Variants in ADGRL3 observed in about 807,000 individuals in gnomAD.
The protein encoded by ADGRL3 is adhesion G protein-coupled receptor L3.
In ADGRL3, 62 loss-of-function variants were observed where a neutral mutation model predicts 153.5. The ratio of observed to expected loss-of-function variants is 0.40; its 90% CI spans 0.33 to 0.50. The LOEUF (loss-of-function observed/expected upper bound fraction) is 0.50, where lower values mean the gene tolerates loss of function less well. Among genes scored for constraint, ADGRL3 ranks in the 20% least tolerant of loss-of-function variants. The pLI is 0.47. For missense variants in ADGRL3, 1,641 were observed against 1,859.4 expected, an observed-to-expected ratio of 0.88 and a Z score of 2.16; for synonymous variants, 710 against 672.5, an observed-to-expected ratio of 1.06 and a Z score of -0.86.
intron 4 of ADGRL3, among the ~76,000 whole-genome samples, chr4:61,582,854 C>T (rs1579668715): frequency 6.6e-6 from 1 of 151,958 alleles, no homozygotes; most frequent in African/African-American, 2.4e-5. Flanking sequence ...TTCTTCAAGT[C>T]GTCAGTGACC....
At chr4:61,923,271 C>T (rs2098778589) in intron 13 of ADGRL3, among the ~76,000 whole-genome samples, 1 of 152,170 alleles carries the variant, frequency 6.6e-6, no homozygotes, top group South Asian at 2.1e-4. Context: ...ATTCTTATAA[C>T]TTCAGCTATT....
chr4:61,498,560 T>A (rs2098347132), intron 3 of ADGRL3, among the ~76,000 whole-genome samples: 1 of 151,772 alleles, frequency 6.6e-6, no homozygotes, highest in South Asian at 2.1e-4. Flanking sequence ...AAAAAAAAAA[T>A]GAAAACATAC....
At chr4:61,994,022 T>G (rs1458678671) in intron 19 of ADGRL3, among the ~76,000 whole-genome samples, 7 of 152,202 alleles carry the variant, frequency 4.6e-5, no homozygotes, top group Non-Finnish European at 8.8e-5. Flanking sequence ...ATAAAGAAAT[T>G]ATCTTGTCTA....
intron 8 of ADGRL3, 61 bp from the exon 9 acceptor site, chr4:61,813,748 A>G: frequency 6.3e-7 from 1 of 1,590,680 alleles, no homozygotes; most frequent in Non-Finnish European, 8.6e-7. Context: ...CATAAAAACA[A>G]TTTAAAAAGG....
At chr4:61,389,711 G>A (rs1244666511) in intron 2 of ADGRL3, among the ~76,000 whole-genome samples, 1 of 152,154 alleles carries the variant, frequency 6.6e-6, no homozygotes, top group Non-Finnish European at 1.5e-5. Flanking sequence ...CAGGGTAAAA[G>A]CACATTAATT....
At position 62,071,040 on chromosome 4, in the gene ADGRL3, T is replaced by C; in HGVS notation, c.*132T>C. 1.3e-6 allele frequency: 1 copy of C among 791,026 alleles called. No homozygotes were observed. Among genetic ancestry groups the C allele is most frequent in the Non-Finnish European group, 1.9e-6 (1 of 519,956 alleles). The allele number at this position is 791,026 out of a possible 1,614,324, so 49.0% of individuals were successfully genotyped here. On this transcript the variant is annotated 3_prime_UTR_variant, in exon 27 of 27. Transcript: ENST00000683033. The stretch of plus-strand genomic sequence containing the variant: ...GTCCTCTAAAGACAAACACAAACTC[T>C]CAGACTTTTTTTTTTTTAATGGGAT...
chr4:61,409,004 G>A (rs1352672747), intron 2 of ADGRL3, among the ~76,000 whole-genome samples: 4 of 151,224 alleles, frequency 2.6e-5, no homozygotes, highest in African/African-American at 9.7e-5. Context: ...GACCCTTAAT[G>A]TGTCATCAAA....
At chr4:61,442,650 T>C (rs1245874168) in intron 2 of ADGRL3, among the ~76,000 whole-genome samples, 1 of 152,116 alleles carries the variant, frequency 6.6e-6, no homozygotes, top group Non-Finnish European at 1.5e-5. Context: ...ATGTTTTCCT[T>C]GAACATCTGG....
chr4:61,777,424 T>C (rs2097166106), intron 8 of ADGRL3, among the ~76,000 whole-genome samples: 1 of 152,222 alleles, frequency 6.6e-6, no homozygotes, highest in South Asian at 2.1e-4. Context: ...TTTTACTACA[T>C]GTGATCCAAA....
At chr4:61,809,964 C>T (rs2097591738) in intron 8 of ADGRL3, among the ~76,000 whole-genome samples, 1 of 152,028 alleles carries the variant, frequency 6.6e-6, no homozygotes. Flanking sequence ...ATTTAAGGCA[C>T]ATAGAAGTGA....
chr4:61,263,837 A>T (rs767670545), intron 1 of ADGRL3, among the ~76,000 whole-genome samples: 3 of 151,958 alleles, frequency 2.0e-5, no homozygotes, highest in Non-Finnish European at 2.9e-5. Context: ...AGAAAACGTA[A>T]TGTCCAGAGC....
At chr4:61,687,134 A>AC (rs1554004002) in intron 6 of ADGRL3, among the ~76,000 whole-genome samples, 1 of 149,520 alleles carries the variant, frequency 6.7e-6, no homozygotes, top group Non-Finnish European at 1.5e-5. Flanking sequence ...TAATTGCCCA[A>AC]TTTTTTTTTT....
intron 8 of ADGRL3, among the ~76,000 whole-genome samples, chr4:61,749,169 C>T (rs1219020049): frequency 6.6e-6 from 1 of 152,080 alleles, no homozygotes; most frequent in Non-Finnish European, 1.5e-5. Flanking sequence ...GATACCATCT[C>T]ACACCAGTTA....
At chr4:61,550,801 T>C (rs2098736882) in intron 4 of ADGRL3, among the ~76,000 whole-genome samples, 3 of 152,048 alleles carry the variant, frequency 2.0e-5, no homozygotes, top group African/African-American at 7.2e-5. Flanking sequence ...TTGGAGAGGC[T>C]GGCTAAGGCT....
chr4:61,818,954 C>T (rs1278392302), intron 9 of ADGRL3, among the ~76,000 whole-genome samples: 4 of 152,076 alleles, frequency 2.6e-5, no homozygotes, highest in Admixed American at 2.6e-4. Flanking sequence ...AACTCTTACT[C>T]ATTTTTCTTA....
At chr4:62,056,327 A>G (rs889849765) in intron 25 of ADGRL3, among the ~76,000 whole-genome samples, 2 of 151,774 alleles carry the variant, frequency 1.3e-5, no homozygotes, top group African/African-American at 4.8e-5. Context: ...TCTTGTTTAT[A>G]TTATATTTTA....
chr4:61,634,546 A>C (rs554649871), intron 5 of ADGRL3, among the ~76,000 whole-genome samples: 1 of 152,306 alleles, frequency 6.6e-6, no homozygotes, highest in East Asian at 1.9e-4. Context: ...CTATGAAAAA[A>C]ATAAGATGAA....
chr4:61,203,045 C>T (rs1036994665), intron 1 of ADGRL3, among the ~76,000 whole-genome samples: 21 of 152,326 alleles, frequency 1.4e-4, no homozygotes, highest in African/African-American at 5.1e-4. Context: ...AGCTCGGCGA[C>T]ATGCGTGCGG....
intron 8 of ADGRL3, among the ~76,000 whole-genome samples, chr4:61,772,507 G>A (rs190355162): frequency 5.6e-4 from 85 of 152,286 alleles, no homozygotes; most frequent in African/African-American, 2.0e-3. Flanking sequence ...CACGACATGA[G>A]AGACTTCCTA....
Sources: gnomAD v4.1 joint callset for allele counts (sites outside exome capture counted in the v4.1 genomes callset) on GRCh38, gnomAD v4.1.1 for gene constraint, MANE v1.5 for transcripts, NCBI Gene and HGNC (gene_info 2026-07-23, HGNC 2026-07-21) for gene names.